Variants in SEMA3E observed in about 807,000 individuals in gnomAD.
SEMA3E encodes semaphorin-3E.
In SEMA3E, 49 loss-of-function variants were observed where a neutral mutation model predicts 93.6. That is an observed-to-expected ratio of 0.52 (90% CI 0.42 to 0.66). The LOEUF (loss-of-function observed/expected upper bound fraction) is 0.66, where lower values mean the gene tolerates loss of function less well. SEMA3E is among the 30% of genes least tolerant of loss of function. The probability of loss-of-function intolerance (pLI) is 0.00; values close to 1 mark genes in which losing one functional copy is unlikely to be tolerated. For synonymous variants in SEMA3E, 363 were observed against 330.7 expected, an observed-to-expected ratio of 1.10 and a Z score of -1.06; for missense variants, 906 against 964.8, an observed-to-expected ratio of 0.94 and a Z score of 0.81.
intron 4 of SEMA3E, among the ~76,000 whole-genome samples, chr7:83,459,916 A>AC (rs1373702650): frequency 1.3e-5 from 2 of 149,790 alleles, no homozygotes; most frequent in African/African-American, 2.5e-5. Flanking sequence ...GCACCTTGCG[A>AC]CCCCCACTCC....
intron 1 of SEMA3E, among the ~76,000 whole-genome samples, chr7:83,563,688 C>G (rs528184854): frequency 1.3e-5 from 2 of 152,098 alleles, no homozygotes; most frequent in African/African-American, 2.4e-5. Context: ...CACCTGCCTC[C>G]TAGAAACTTA....
At chr7:83,615,252 G>A (rs1220347475) in intron 1 of SEMA3E, among the ~76,000 whole-genome samples, 1 of 152,038 alleles carries the variant, frequency 6.6e-6, no homozygotes, top group Middle Eastern at 3.2e-3. Context: ...ATCCTTAGTT[G>A]GAGATTTGAT....
At chr7:83,418,599 C>T (rs1788606625) in intron 4 of SEMA3E, 116 bp from the exon 5 acceptor site, 5 of 757,530 alleles carry the variant, frequency 6.6e-6, no homozygotes, top group Admixed American at 6.2e-5. Flanking sequence ...CTAAATAGAG[C>T]ACCAGTAGCA....
chr7:83,454,146 T>A (rs1226294478), intron 4 of SEMA3E, among the ~76,000 whole-genome samples: 1 of 149,910 alleles, frequency 6.7e-6, no homozygotes, highest in Non-Finnish European at 1.5e-5. Context: ...TAGTCCCAGC[T>A]ACTCGGGAGG....
intron 1 of SEMA3E, among the ~76,000 whole-genome samples, chr7:83,591,395 C>A (rs1051224871): frequency 6.6e-6 from 1 of 151,506 alleles, no homozygotes. Flanking sequence ...TTCCAGCGTT[C>A]CAACTCCAAG....
intron 4 of SEMA3E, among the ~76,000 whole-genome samples, chr7:83,438,753 T>C (rs1789053164): frequency 6.6e-6 from 1 of 152,006 alleles, no homozygotes; most frequent in African/African-American, 2.4e-5. Flanking sequence ...ATAATAAAAG[T>C]AGGCATTTAT....
chr7:83,377,168 T>G (rs984908785), intron 16 of SEMA3E, among the ~76,000 whole-genome samples: 1 of 152,084 alleles, frequency 6.6e-6, no homozygotes, highest in Admixed American at 6.6e-5. Context: ...TTCCAAGAAA[T>G]TATTCACATT....
intron 8 of SEMA3E, 39 bp downstream of exon 8, chr7:83,405,906 A>G: frequency 7.1e-7 from 1 of 1,411,488 alleles, no homozygotes; most frequent in East Asian, 2.3e-5. Context: ...AGAAGCATAT[A>G]CATAAAAGAG....
intron 2 of SEMA3E, among the ~76,000 whole-genome samples, chr7:83,477,893 T>C (rs1790050948): frequency 6.6e-6 from 1 of 151,368 alleles, no homozygotes. Context: ...CTATAATATA[T>C]ATAGATATAC....
At chr7:83,500,321 A>G (rs985389315) in intron 1 of SEMA3E, among the ~76,000 whole-genome samples, 1 of 152,128 alleles carries the variant, frequency 6.6e-6, no homozygotes, top group Non-Finnish European at 1.5e-5. Context: ...CTGCAGTCCC[A>G]GCTACTAGGG....
At chr7:83,498,303 G>A (rs552509644) in intron 1 of SEMA3E, among the ~76,000 whole-genome samples, 4 of 152,212 alleles carry the variant, frequency 2.6e-5, no homozygotes, top group South Asian at 2.1e-4. Flanking sequence ...AGTTGTTCAA[G>A]CATCAGCTGT....
intron 4 of SEMA3E, among the ~76,000 whole-genome samples, chr7:83,421,493 A>C (rs1788668720): frequency 1.7e-5 from 2 of 117,068 alleles, no homozygotes; most frequent in African/African-American, 5.3e-5. Flanking sequence ...GTGGGTAAAA[A>C]AAGTAGTTTA....
intron 1 of SEMA3E, among the ~76,000 whole-genome samples, chr7:83,553,865 T>C (rs1399089229): frequency 6.6e-6 from 1 of 152,170 alleles, no homozygotes; most frequent in African/African-American, 2.4e-5. Context: ...ATTTTTATTA[T>C]GTAAATTTCC....
At chr7:83,565,440 G>T (rs1399659815) in intron 1 of SEMA3E, among the ~76,000 whole-genome samples, 1 of 152,052 alleles carries the variant, frequency 6.6e-6, no homozygotes, top group Admixed American at 6.6e-5. Context: ...GTCAATAGGT[G>T]CAAGAAACCA....
intron 4 of SEMA3E, among the ~76,000 whole-genome samples, chr7:83,458,915 ATATATATG>A (rs199594120): frequency 0.028 from 4,083 of 143,590 alleles, 76 homozygotes; most frequent in Non-Finnish European, 0.041. Context: ...ACAAATATAA[ATATATATG>A]TATATATGTA....
chr7:83,643,778 T>G (rs1704562396), intron 1 of SEMA3E, among the ~76,000 whole-genome samples: 2 of 152,150 alleles, frequency 1.3e-5, no homozygotes, highest in South Asian at 4.1e-4. Context: ...AACTATTTCT[T>G]AATAAATCCA....
Position 83,574,469 on chromosome 7 carries a change from AAAGAG to A in SEMA3E, c.115+73954_115+73958del, listed in dbSNP as rs755056771. 3.2e-3 allele frequency among the ~76,000 whole-genome samples: 368 copies of A among 115,866 alleles called. 3 individuals carry two copies. The highest frequency in any genetic ancestry group is 0.014 in the African/African-American group (328 of 22,872). The allele number at this position is 115,866 out of a possible 152,430, so 76.0% of individuals were successfully genotyped here. ...GGAGAAGTAAAGTTTAAAAAAAAAA[AAAGAG>A]AGAGAGAGACTAAGGTAGATTGTTT... On this transcript the variant is annotated intron_variant, in intron 1 of 16. Transcript: ENST00000643230.
chr7:83,419,763 C>T (rs181133383), intron 4 of SEMA3E, among the ~76,000 whole-genome samples: 3 of 108,880 alleles, frequency 2.8e-5, no homozygotes, highest in Non-Finnish European at 6.5e-5. Flanking sequence ...TTCGTCCACT[C>T]TTTAATGGGG....
chr7:83,490,542 A>G (rs1790361796), intron 1 of SEMA3E, among the ~76,000 whole-genome samples: 1 of 152,092 alleles, frequency 6.6e-6, no homozygotes. Context: ...AATCTTTAAC[A>G]TAAAGTGCTA....
Sources: gnomAD v4.1 joint callset for allele counts (sites outside exome capture counted in the v4.1 genomes callset) on GRCh38, gnomAD v4.1.1 for gene constraint, MANE v1.5 for transcripts, NCBI Gene and HGNC (gene_info 2026-07-23, HGNC 2026-07-21) for gene names.